The following SPON1 variants were observed in gnomAD, a reference collection of about 807,000 sequenced individuals.
SPON1 encodes spondin 1, also known as spondin-1.
Under a neutral mutation model 111.7 loss-of-function variants are expected in SPON1, and 52 were observed. The ratio of observed to expected loss-of-function variants is 0.47; its 90% CI spans 0.37 to 0.59. SPON1 has a LOEUF of 0.59. SPON1 is among the 20% of genes least tolerant of loss of function. The pLI, the probability that SPON1 is intolerant of heterozygous loss-of-function variation, is 0.00. For missense variants in SPON1, 957 were observed against 1,068.5 expected (o/e 0.90, Z 1.46); for synonymous variants, 410 against 395.8 (o/e 1.04, Z -0.43).
intron 2 of SPON1, among the ~76,000 whole-genome samples, chr11:13,983,822 A>G (rs1848162463): frequency 6.6e-6 from 1 of 152,190 alleles, no homozygotes; most frequent in Admixed American, 6.5e-5. Context: ...AGAAGAAAAA[A>G]ACTCAGAGAA....
At chr11:14,035,342 A>G (rs1848586783) in intron 2 of SPON1, among the ~76,000 whole-genome samples, 1 of 152,156 alleles carries the variant, frequency 6.6e-6, no homozygotes, top group Non-Finnish European at 1.5e-5. Flanking sequence ...CATCTGCATT[A>G]CAGTAGTTTC....
intron 2 of SPON1, among the ~76,000 whole-genome samples, chr11:14,021,285 T>G (rs1225635147): frequency 6.6e-6 from 1 of 152,054 alleles, no homozygotes; most frequent in Admixed American, 6.6e-5. Context: ...AAATATGTGT[T>G]GAATGAGTGT....
intron 2 of SPON1, among the ~76,000 whole-genome samples, chr11:14,020,624 T>C (rs782296198): frequency 9.2e-5 from 14 of 152,210 alleles, no homozygotes; most frequent in Non-Finnish European, 1.6e-4. Flanking sequence ...AGGATGTTGA[T>C]TGCAGCCTTG....
Position 14,265,563 on chromosome 11 carries a change from C to T in SPON1, c.2300C>T (p.Thr767Ile), listed in dbSNP as rs782400407. Residue 767 changes from threonine to isoleucine, a missense_variant, in exon 16 of 16, where the codon ACC becomes ATC. Physicochemically the swap from Thr to Ile is moderately conservative, Grantham distance 89. Around this residue, in one of 5 missense-constraint regions of SPON1, gnomAD observed 549 missense variants for 606.2 expected, o/e 0.91. Coordinates refer to ENST00000576479, the MANE Select transcript of SPON1 (RefSeq NM_006108.4). ...MRPWTAWSEC[T>I]KLCGGGIQER... The stretch of plus-strand genomic sequence containing the variant: ...CCATGGACGGCCTGGTCAGAATGCA[C>T]CAAACTGTGCGGAGGTGGAATTCAG... 3.1e-6 allele frequency: 5 copies of T among 1,613,628 alleles called. No homozygotes were observed. Among genetic ancestry groups the T allele is most frequent in the Non-Finnish European group, 4.2e-6 (5 of 1,179,768 alleles).
At chr11:14,131,013 A>G (rs1847521856) in intron 5 of SPON1, among the ~76,000 whole-genome samples, 1 of 152,198 alleles carries the variant, frequency 6.6e-6, no homozygotes, top group African/African-American at 2.4e-5. Flanking sequence ...AGCTTAATAC[A>G]TGTTAACTAT....
chr11:14,123,051 C>A (rs1847412949), intron 5 of SPON1, among the ~76,000 whole-genome samples: 1 of 151,828 alleles, frequency 6.6e-6, no homozygotes, highest in Admixed American at 6.6e-5. Flanking sequence ...CCACCTCAGC[C>A]TCTGGAGTAT....
intron 6 of SPON1, among the ~76,000 whole-genome samples, chr11:14,169,817 A>G (rs1848075642): frequency 6.6e-6 from 1 of 151,996 alleles, no homozygotes; most frequent in East Asian, 1.9e-4. Flanking sequence ...GATATGTGGC[A>G]TTATTTCTGA....
intron 6 of SPON1, among the ~76,000 whole-genome samples, chr11:14,239,050 A>T (rs956457191): frequency 6.6e-6 from 1 of 152,200 alleles, no homozygotes; most frequent in African/African-American, 2.4e-5. Context: ...TAAGTCCTTC[A>T]TTCTTCAGAA....
chr11:13,983,755 TCTC>T (rs1848161960), intron 2 of SPON1, among the ~76,000 whole-genome samples: 1 of 152,164 alleles, frequency 6.6e-6, no homozygotes, highest in Admixed American at 6.5e-5. Flanking sequence ...TGTAATTACT[TCTC>T]ATCTCAGATT....
At chr11:14,026,238 CAAGT>C (rs1305959937) in intron 2 of SPON1, among the ~76,000 whole-genome samples, 1 of 152,202 alleles carries the variant, frequency 6.6e-6, no homozygotes, top group Non-Finnish European at 1.5e-5. Context: ...ATTTGTTTTG[CAAGT>C]AAGTGCTCAG....
In SPON1 at chr11:14,251,551, G is replaced by A. The variant is rs184084550; in HGVS notation, c.891-2977G>A. The stretch of plus-strand genomic sequence containing the variant: ...AGAACTGGTTTTGTCCCCTTAGATT[G>A]TCATTATGAATAGTCACCCATGGGG... On this transcript the variant is annotated intron_variant, in intron 7 of 15. Transcript: ENST00000576479. 6.4e-4 allele frequency among the ~76,000 whole-genome samples: 97 copies of A among 152,276 alleles called. 1 individual carries two copies. The highest frequency in any genetic ancestry group is 2.2e-3 in the African/African-American group (91 of 41,540).
chr11:14,079,915 G>A lies in SPON1; in HGVS notation c.570G>A (p.Gly190=). The A allele has an allele frequency of 2.5e-6, 4 of 1,613,872 alleles. No individual in the cohort carries two copies. The highest frequency in any genetic ancestry group is 3.4e-6 in the Non-Finnish European group (4 of 1,179,862). The change falls in exon 5 of 16, where the codon GGG becomes GGA. Residue 190 remains glycine, a synonymous_variant. Transcript: ENST00000576479. ...CTGTTTCAGATTCCACATTTGATGG[G>A]GTGACTGACAAACCCATCTTAGACT... The part of the protein sequence containing the change: ...KLCEQDSTFD[G]VTDKPILDCC...
chr11:14,210,373 C>CTTTTTTTTTTTTTTTT (rs79378171), intron 6 of SPON1, among the ~76,000 whole-genome samples: 10 of 133,684 alleles, frequency 7.5e-5, no homozygotes, highest in African/African-American at 1.1e-4. Flanking sequence ...TTTCTTTTTC[C>CTTTTTTTTTTTTTTTT]TTTTTTTTTT....
chr11:14,012,950 T>C (rs1410600036), intron 2 of SPON1, among the ~76,000 whole-genome samples: 1 of 152,222 alleles, frequency 6.6e-6, no homozygotes, highest in African/African-American at 2.4e-5. Flanking sequence ...TCTGCCTTAC[T>C]GAAGAGGTGT....
chr11:14,206,637 C>CA (rs1282066496), intron 6 of SPON1, among the ~76,000 whole-genome samples: 5 of 151,816 alleles, frequency 3.3e-5, no homozygotes, highest in African/African-American at 4.8e-5. Flanking sequence ...ACAATTGCCA[C>CA]AAAAAATAAA....
At chr11:14,129,055 A>C (rs80074510) in intron 5 of SPON1, among the ~76,000 whole-genome samples, 3,291 of 152,336 alleles carry the variant, frequency 0.022, 114 homozygotes, top group African/African-American at 0.075. Flanking sequence ...AGCCTGTGAT[A>C]GCAGGGGCTG....
chr11:14,024,164 G>C (rs782096492), intron 2 of SPON1, among the ~76,000 whole-genome samples: 3 of 152,176 alleles, frequency 2.0e-5, no homozygotes, highest in Non-Finnish European at 2.9e-5. Flanking sequence ...GCACTTTTGG[G>C]CTTCAACCCC....
chr11:14,157,501 G>T (rs1297885802), intron 6 of SPON1, among the ~76,000 whole-genome samples: 5 of 152,020 alleles, frequency 3.3e-5, no homozygotes, highest in Non-Finnish European at 5.9e-5. Flanking sequence ...TTACTACATA[G>T]GTAGGCATGA....
chr11:14,218,649 G>A (rs781904844), intron 6 of SPON1, among the ~76,000 whole-genome samples: 4 of 152,100 alleles, frequency 2.6e-5, no homozygotes, highest in Non-Finnish European at 5.9e-5. Context: ...TGACAAGTAG[G>A]CAACGGGATT....
Sources: allele counts gnomAD v4.1 joint callset (sites outside exome capture counted in the v4.1 genomes callset), GRCh38; gene constraint gnomAD v4.1.1; regional missense constraint gnomAD v4.1.1; transcripts MANE v1.5; gene names NCBI Gene and HGNC (gene_info 2026-07-23, HGNC 2026-07-21).